Variants in ARK2N observed in about 807,000 individuals in gnomAD.
ARK2N encodes the protein protein ARK2N.
At chr18:46,201,475 G>A in the ARK2N span, among the ~76,000 whole-genome samples, 1 of 152,010 alleles carries the variant, frequency 6.6e-6, no homozygotes, top group African/African-American at 2.4e-5. Flanking sequence ...AATTTATGTG[G>A]TGGAGATTCT....
the ARK2N span, chr18:46,240,236 C>G: frequency 6.3e-7 from 1 of 1,591,402 alleles, no homozygotes; most frequent in South Asian, 1.1e-5. Context: ...TGCATGTGTC[C>G]TGGAGCTGTT....
chr18:46,187,348 C>CTTT, the ARK2N span, among the ~76,000 whole-genome samples: 1 of 145,448 alleles, frequency 6.9e-6, no homozygotes, highest in East Asian at 2.1e-4. Flanking sequence ...TGATAACTGT[C>CTTT]TTTTTTTTTT....
chr18:46,252,150 G>A, the ARK2N span, among the ~76,000 whole-genome samples: 5 of 151,218 alleles, frequency 3.3e-5, no homozygotes, highest in East Asian at 1.9e-4. Context: ...CCGAGATTGT[G>A]CCATTGCACT....
the ARK2N span, among the ~76,000 whole-genome samples, chr18:46,236,768 A>C: frequency 1.3e-5 from 2 of 152,152 alleles, no homozygotes; most frequent in Non-Finnish European, 2.9e-5. Flanking sequence ...GAGCAAGGGC[A>C]GTATCCCCGT....
At chr18:46,175,627 C>G in the ARK2N span, among the ~76,000 whole-genome samples, 2 of 151,966 alleles carry the variant, frequency 1.3e-5, no homozygotes, top group East Asian at 1.9e-4. Context: ...CTCAGCCTCC[C>G]GAGTAGCTGG....
chr18:46,222,085 A>C, the ARK2N span, among the ~76,000 whole-genome samples: 1 of 152,246 alleles, frequency 6.6e-6, no homozygotes, highest in Non-Finnish European at 1.5e-5. Context: ...TATTTAAACC[A>C]TCTGATGCCC....
chr18:46,196,629 G>C, the ARK2N span, among the ~76,000 whole-genome samples: 1 of 152,262 alleles, frequency 6.6e-6, no homozygotes, highest in South Asian at 2.1e-4. Context: ...ACCTATTGTT[G>C]CATAAAAATT....
At chr18:46,256,741 T>C in the ARK2N span, among the ~76,000 whole-genome samples, 2 of 152,240 alleles carry the variant, frequency 1.3e-5, no homozygotes, top group Non-Finnish European at 2.9e-5. Flanking sequence ...TTACAGATTC[T>C]TTGGGGTATT....
chr18:46,196,897 A>G, the ARK2N span, among the ~76,000 whole-genome samples: 2 of 152,256 alleles, frequency 1.3e-5, no homozygotes, highest in South Asian at 2.1e-4. Flanking sequence ...GAACCTCTCC[A>G]AGAGTGCCCT....
At chr18:46,259,111 AT>A in the ARK2N span, among the ~76,000 whole-genome samples, 6 of 152,126 alleles carry the variant, frequency 3.9e-5, no homozygotes, top group Non-Finnish European at 8.8e-5. Flanking sequence ...AAAGTAAATA[AT>A]TTTTGTGAAT....
chr18:46,181,266 G>A, the ARK2N span, among the ~76,000 whole-genome samples: 1 of 151,762 alleles, frequency 6.6e-6, no homozygotes, highest in Non-Finnish European at 1.5e-5. Context: ...CTCTCGGGAG[G>A]TGGGGGGGGA....
chr18:46,225,376 A>C, the ARK2N span, among the ~76,000 whole-genome samples: 31 of 152,266 alleles, frequency 2.0e-4, no homozygotes, highest in Admixed American at 2.0e-3. Flanking sequence ...TGAATCTATC[A>C]CAAAATTAAT....
the ARK2N span, among the ~76,000 whole-genome samples, chr18:46,236,076 A>G: frequency 6.6e-6 from 1 of 152,226 alleles, no homozygotes; most frequent in East Asian, 1.9e-4. Context: ...AAGCTTAGTG[A>G]GACAGTACAA....
At chr18:46,247,224 C>T in the ARK2N span, among the ~76,000 whole-genome samples, 1 of 151,640 alleles carries the variant, frequency 6.6e-6, no homozygotes, top group African/African-American at 2.4e-5. Flanking sequence ...AGCATAGTAA[C>T]TTTTCGTTTC....
chr18:46,212,990 ATTTTTTTTTTTTTTTTT>A, the ARK2N span, among the ~76,000 whole-genome samples: 2 of 80,498 alleles, frequency 2.5e-5, no homozygotes, highest in African/African-American at 9.3e-5. Flanking sequence ...TTTAAGAAGA[ATTTTTTTTTTTTTTTTT>A]TTTTTTTTTT....
chr18:46,260,017 G>A, the ARK2N span, among the ~76,000 whole-genome samples: 1 of 150,808 alleles, frequency 6.6e-6, no homozygotes, highest in Non-Finnish European at 1.5e-5. Context: ...CACTGTGCCA[G>A]CCTATTCTGA....
chr18:46,264,373 CTA>C, the ARK2N span: 1 of 152,656 alleles, frequency 6.6e-6, no homozygotes, highest in Non-Finnish European at 1.5e-5. Context: ...AGTTAGAACA[CTA>C]TGTACTCTGC....
At chr18:46,181,709 C>T in the ARK2N span, among the ~76,000 whole-genome samples, 195 of 151,602 alleles carry the variant, frequency 1.3e-3, 1 homozygote, top group African/African-American at 4.4e-3. Context: ...AGCGAGACTC[C>T]GTCTCAAAAA....
chr18:46,232,254 AT>A, the ARK2N span: 1 of 152,206 alleles, frequency 6.6e-6, no homozygotes, highest in Non-Finnish European at 1.5e-5. Flanking sequence ...TTGTGTTATC[AT>A]TTGTTTAAAA....
Sources: gnomAD v4.1 joint callset for allele counts (sites outside exome capture counted in the v4.1 genomes callset) on GRCh38, gnomAD v4.1.1 for gene constraint, MANE v1.5 for transcripts, NCBI Gene and HGNC (gene_info 2026-07-23, HGNC 2026-07-21) for gene names.